Variants in COLEC12 observed in about 807,000 individuals in gnomAD.
The protein encoded by COLEC12 is collectin-12.
A neutral mutation model predicts 71.1 loss-of-function variants in COLEC12; 33 were observed. The ratio of observed to expected loss-of-function variants is 0.46; its 90% confidence interval spans 0.35 to 0.62. The LOEUF is 0.62. COLEC12 is among the 20% of genes least tolerant of loss of function. The pLI is 0.00. For synonymous variants in COLEC12, 350 were observed against 353.0 expected (o/e 0.99, Z 0.10); for missense variants, 765 against 916.1 (o/e 0.84, Z 2.13).
intron 2 of COLEC12, among the ~76,000 whole-genome samples, chr18:396,903 A>G (rs558285286): frequency 1.3e-5 from 2 of 152,266 alleles, no homozygotes; most frequent in African/African-American, 4.8e-5. Flanking sequence ...TGTGTTCTCA[A>G]TGTTGGACTG....
chr18:438,164 T>C (rs1183107254), intron 2 of COLEC12, among the ~76,000 whole-genome samples: 3 of 152,168 alleles, frequency 2.0e-5, no homozygotes, highest in South Asian at 2.1e-4. Flanking sequence ...AGAGATACTA[T>C]TGGATATAAA....
At chr18:383,587 C>A (rs909541186) in intron 2 of COLEC12, among the ~76,000 whole-genome samples, 2 of 152,118 alleles carry the variant, frequency 1.3e-5, no homozygotes, top group Non-Finnish European at 2.9e-5. Flanking sequence ...AACCAAGAAA[C>A]AACCATGAGT....
At chr18:482,089 G>A (rs1794176916) in intron 1 of COLEC12, among the ~76,000 whole-genome samples, 2 of 151,308 alleles carry the variant, frequency 1.3e-5, no homozygotes, top group South Asian at 4.2e-4. Context: ...CCACAAGTAG[G>A]CCCCAGTGGC....
chr18:361,644 C>T (rs1914746767), intron 2 of COLEC12, among the ~76,000 whole-genome samples: 1 of 152,196 alleles, frequency 6.6e-6, no homozygotes, highest in South Asian at 2.1e-4. Flanking sequence ...AGACTCTTTA[C>T]ATCCAATAAG....
chr18:383,458 C>A (rs1915277227), intron 2 of COLEC12, among the ~76,000 whole-genome samples: 1 of 152,038 alleles, frequency 6.6e-6, no homozygotes, highest in African/African-American at 2.4e-5. Context: ...GGACAAAATA[C>A]AATAATACCT....
chr18:424,617 C>T (rs1282781100), intron 2 of COLEC12, among the ~76,000 whole-genome samples: 2 of 152,186 alleles, frequency 1.3e-5, no homozygotes, highest in Non-Finnish European at 2.9e-5. Context: ...GTGAATAGCT[C>T]ACCAGAGCTC....
At chr18:443,854 C>G (rs1916593759) in intron 2 of COLEC12, among the ~76,000 whole-genome samples, 1 of 152,132 alleles carries the variant, frequency 6.6e-6, no homozygotes, top group Non-Finnish European at 1.5e-5. Flanking sequence ...TCTTGGTCTT[C>G]TTGATAGTGA....
intron 8 of COLEC12, among the ~76,000 whole-genome samples, chr18:329,607 T>C (rs1490704911): frequency 6.6e-6 from 1 of 152,152 alleles, no homozygotes; most frequent in East Asian, 1.9e-4. Context: ...TGCCAGATTA[T>C]GCCAGGGGGT....
chr18:377,899 G>A (rs919688439), intron 2 of COLEC12, among the ~76,000 whole-genome samples: 19 of 151,984 alleles, frequency 1.3e-4, no homozygotes, highest in African/African-American at 3.6e-4. Context: ...ATAGGGTGGC[G>A]GGGCGGGTTG....
At chr18:383,750 C>T (rs1240616889) in intron 2 of COLEC12, among the ~76,000 whole-genome samples, 1 of 152,082 alleles carries the variant, frequency 6.6e-6, no homozygotes, top group Non-Finnish European at 1.5e-5. Flanking sequence ...TGTATTAGTC[C>T]ATTCTCAGGC....
At chr18:489,570 G>C (rs1454754656) in intron 1 of COLEC12, among the ~76,000 whole-genome samples, 2 of 152,164 alleles carry the variant, frequency 1.3e-5, no homozygotes, top group African/African-American at 4.8e-5. Context: ...ACACAGAGGA[G>C]AGATTTGGGA....
chr18:346,655 T>A lies in COLEC12; in HGVS notation c.967A>T (p.Asn323Tyr). 1 of 1,614,226 alleles carries A rather than the reference T, an allele frequency of 6.2e-7. No individual in the cohort carries two copies. The change falls in exon 5 of 10, where the codon AAT becomes TAT. Residue 323 changes from asparagine (N) to tyrosine (Y), a missense_variant. By Grantham distance (143) the Asn-to-Tyr change is moderately radical. Transcript: ENST00000400256. This position sits in a 1 kb window ranked among gnomAD's most constrained non-coding sequence, Gnocchi z 4.0. ...TGGTTGAACTTGATGGCTGTTCTAT[T>A]CTCTGCATCTTTGTGTAAGTCCTGC... ...DLQDLHKDAE[N>Y]RTAIKFNQLE... is the part of the protein sequence containing the mutation.
rs191170813 is a variant in COLEC12, at chr18:475,070, G to A, written c.58+5637C>T. ...GCCTGGGCGACAAGAGCTAAACTCC[G>A]TCTCAAAAATAAATAAATAAATAAA... On this transcript the variant is annotated intron_variant, in intron 2 of 9. Transcript: ENST00000400256. 4.6e-3 allele frequency among the ~76,000 whole-genome samples: 539 copies of A among 118,084 alleles called. 4 individuals are homozygous for A. The highest frequency in any genetic ancestry group is 7.9e-3 in the Non-Finnish European group (448 of 56,892). The allele number at this position is 118,084 out of a possible 152,430, so 77.5% of individuals were successfully genotyped here.
At position 399,197 on chromosome 18, in the gene COLEC12, C is replaced by T. The variant is rs547619538; in HGVS notation, c.59-41675G>A. Reference sequence around the variant, plus strand: ...GAAACACTATCCAAAAAACGCACAGCGGTGTCTGAAGTTGAGATTTTTCTG... The same window carrying T: ...GAAACACTATCCAAAAAACGCACAGTGGTGTCTGAAGTTGAGATTTTTCTG... On this transcript the variant is annotated intron_variant, in intron 2 of 9. Transcript: ENST00000400256. This position sits in a 1 kb window ranked among gnomAD's most constrained non-coding sequence, Gnocchi z 4.0. 1.3e-4 allele frequency among the ~76,000 whole-genome samples: 20 copies of T among 152,334 alleles called. No individual in the cohort carries two copies. In the East Asian group the frequency reaches 3.3e-3, roughly 25 times the overall value.
intron 5 of COLEC12, among the ~76,000 whole-genome samples, chr18:337,322 A>G (rs1273535605): frequency 2.6e-5 from 4 of 151,702 alleles, no homozygotes; most frequent in African/African-American, 7.3e-5. Flanking sequence ...GGACCTTCCT[A>G]CCTCTGTAGG....
At chr18:389,277 G>A (rs1455702583) in intron 2 of COLEC12, among the ~76,000 whole-genome samples, 2 of 141,576 alleles carry the variant, frequency 1.4e-5, no homozygotes, top group African/African-American at 2.6e-5. Context: ...TTTTGGAGAT[G>A]GAGTCTTGCT....
chr18:498,354 A>G (rs959073247), intron 1 of COLEC12, among the ~76,000 whole-genome samples: 2 of 102,068 alleles, frequency 2.0e-5, no homozygotes, highest in Non-Finnish European at 3.8e-5. Context: ...CTCATGGAAT[A>G]TTTTTTTTCT....
chr18:394,064 A>G (rs916151577), intron 2 of COLEC12, among the ~76,000 whole-genome samples: 2 of 152,186 alleles, frequency 1.3e-5, no homozygotes, highest in Non-Finnish European at 2.9e-5. Context: ...TGGAGACAGG[A>G]ATAATGGGAT....
chr18:396,342 G>A (rs1444258697), intron 2 of COLEC12, among the ~76,000 whole-genome samples: 3 of 152,160 alleles, frequency 2.0e-5, no homozygotes, highest in Non-Finnish European at 4.4e-5. Flanking sequence ...TCAGAGCCTG[G>A]TAATTGCAAA....
Sources: gnomAD v4.1 joint callset for allele counts (sites outside exome capture counted in the v4.1 genomes callset) on GRCh38, gnomAD v4.1.1 for gene constraint, Gnocchi (gnomAD v3.1) non-coding constraint, MANE v1.5 for transcripts, NCBI Gene and HGNC (gene_info 2026-07-23, HGNC 2026-07-21) for gene names.